The following MAN1A2 variants were observed in gnomAD, a reference collection of about 807,000 sequenced individuals.
MAN1A2 encodes the protein mannosyl-oligosaccharide 1,2-alpha-mannosidase IB.
Under a neutral mutation model 75.7 loss-of-function variants are expected in MAN1A2, and 26 were observed. The observed-to-expected ratio is 0.34, with a 90% CI of 0.25 to 0.48. The LOEUF (loss-of-function observed/expected upper bound fraction) is 0.48, where lower values mean the gene tolerates loss of function less well. Among genes scored for constraint, MAN1A2 ranks in the 20% least tolerant of loss-of-function variants. The pLI is 0.99. For missense variants in MAN1A2, 562 were observed against 775.5 expected, an observed-to-expected ratio of 0.72 and a Z score of 3.27; for synonymous variants, 247 against 264.6, an observed-to-expected ratio of 0.93 and a Z score of 0.65.
intron 11 of MAN1A2, among the ~76,000 whole-genome samples, chr1:117,500,142 GT>G (rs917273506): frequency 6.6e-6 from 1 of 151,820 alleles, no homozygotes; most frequent in African/African-American, 2.4e-5. Context: ...TAAAGCGAAC[GT>G]TTCACAGTGG....
At chr1:117,459,670 TA>T (rs1303694684) in intron 6 of MAN1A2, among the ~76,000 whole-genome samples, 2 of 151,990 alleles carry the variant, frequency 1.3e-5, no homozygotes, top group African/African-American at 4.8e-5. Context: ...CTAGACAGAT[TA>T]AAAAAATAAA....
chr1:117,434,111 T>C (rs1305955102), intron 5 of MAN1A2, among the ~76,000 whole-genome samples: 1 of 152,230 alleles, frequency 6.6e-6, no homozygotes, highest in Non-Finnish European at 1.5e-5. Context: ...GGGATCTATT[T>C]ACTATTTCCT....
intron 12 of MAN1A2, among the ~76,000 whole-genome samples, chr1:117,521,922 A>G (rs1170261256): frequency 6.6e-6 from 1 of 151,942 alleles, no homozygotes; most frequent in Non-Finnish European, 1.5e-5. Flanking sequence ...AGGTGAAGTA[A>G]ATCAGGAATG....
Position 117,460,405 on chromosome 1 carries a change from T to C in MAN1A2, c.951-84T>C, listed in dbSNP as rs181121490. 3,448 of 837,480 alleles carry C rather than the reference T, an allele frequency of 4.1e-3. 31 individuals are homozygous for C. The highest frequency in any genetic ancestry group is 3.5e-3 in the Non-Finnish European group (1,864 of 537,092). The allele number at this position is 837,480 out of a possible 1,614,324, so 51.9% of individuals were successfully genotyped here. A position where few individuals can be genotyped will look rare whatever the true frequency, so the allele number is the denominator to read the frequency against. On this transcript the variant is annotated intron_variant, in intron 6 of 12. Transcript: ENST00000356554. ...CAGATATAATAATTTATAAGAGATCTATTTAAAATTTACATATTCATTAAA... is the reference window on the plus strand; with the variant it reads ...CAGATATAATAATTTATAAGAGATCCATTTAAAATTTACATATTCATTAAA...
Position 117,525,342 on chromosome 1 carries a change from G to T in MAN1A2, c.*2385G>T. On this transcript the variant is annotated 3_prime_UTR_variant, in exon 13 of 13. Transcript: ENST00000356554. ...TGAATACCAAAGGCAATTAAAGTCAGCTACAAATGACTTGCCAGTGTCATG... is the reference window on the plus strand; with the variant it reads ...TGAATACCAAAGGCAATTAAAGTCATCTACAAATGACTTGCCAGTGTCATG... 4.5e-6 allele frequency: 1 copy of T among 222,106 alleles called. No individual in the cohort carries two copies. The highest frequency in any genetic ancestry group is 6.6e-5 in the South Asian group (1 of 15,132). 13.8% of individuals were successfully genotyped at this position (222,106 alleles called of 1,614,324 possible).
chr1:117,454,172 A>G (rs1236329219), intron 6 of MAN1A2, among the ~76,000 whole-genome samples: 1 of 152,164 alleles, frequency 6.6e-6, no homozygotes, highest in Non-Finnish European at 1.5e-5. Flanking sequence ...TTGTTGCAAT[A>G]TTTGCTTTAT....
At chr1:117,396,052 C>G (rs987217166) in intron 1 of MAN1A2, among the ~76,000 whole-genome samples, 1 of 152,166 alleles carries the variant, frequency 6.6e-6, no homozygotes, top group African/African-American at 2.4e-5. Context: ...GTAACCTCAT[C>G]CAAGCTTCAG....
chr1:117,417,714 T>A lies in MAN1A2; in HGVS notation c.775-2855T>A, dbSNP rs1412569355. 1.2e-3 allele frequency among the ~76,000 whole-genome samples: 165 copies of A among 143,048 alleles called. No homozygotes were observed. The South Asian group carries it at 0.022, about 19-fold the overall frequency. 93.8% of individuals were successfully genotyped at this position (143,048 alleles called of 152,430 possible). A position where few individuals can be genotyped will look rare whatever the true frequency, so the allele number is the denominator to read the frequency against. ...TGCACACACACACACACACTCTCTC[T>A]CTCTCTCTCTCTCTCTCTCATCAAA... On this transcript the variant is annotated intron_variant, in intron 4 of 12. Transcript: ENST00000356554.
At chr1:117,518,525 A>G (rs1350247178) in intron 12 of MAN1A2, among the ~76,000 whole-genome samples, 1 of 152,034 alleles carries the variant, frequency 6.6e-6, no homozygotes, top group African/African-American at 2.4e-5. Context: ...GTAAAGAAGA[A>G]AAAGTTTTTA....
Position 117,432,788 on chromosome 1 carries a change from G to C in MAN1A2, c.856-9443G>C, listed in dbSNP as rs12093431. On this transcript the variant is annotated intron_variant, in intron 5 of 12. Coordinates refer to ENST00000356554, the MANE Select transcript of MAN1A2 (RefSeq NM_006699.5). ...TAGCCTGAAAGGCAATATAGCAAGA[G>C]AAAACTACAGACCAGTATACTTTTT... Among the ~76,000 whole-genome samples, 1,199 of 151,688 alleles carry C rather than the reference G, an allele frequency of 7.9e-3. 12 individuals carry two copies. Among genetic ancestry groups the C allele is most frequent in the African/African-American group, 0.027 (1,127 of 41,448 alleles).
At chr1:117,502,704 G>A (rs1651238822) in intron 11 of MAN1A2, 151 bp from the exon 12 acceptor site, 1 of 572,736 alleles carries the variant, frequency 1.7e-6, no homozygotes, top group South Asian at 2.2e-5. Flanking sequence ...TCCAGTATGA[G>A]AATATTTCCT....
At chr1:117,459,314 AC>A (rs1471147176) in intron 6 of MAN1A2, among the ~76,000 whole-genome samples, 1 of 152,184 alleles carries the variant, frequency 6.6e-6, no homozygotes, top group African/African-American at 2.4e-5. Context: ...TTCCATAACC[AC>A]ATATATGGGG....
At chr1:117,516,283 C>G (rs903622902) in intron 12 of MAN1A2, among the ~76,000 whole-genome samples, 1 of 152,072 alleles carries the variant, frequency 6.6e-6, no homozygotes, top group African/African-American at 2.4e-5. Context: ...ATTGCTACTA[C>G]AAATGCAGTT....
intron 1 of MAN1A2, among the ~76,000 whole-genome samples, chr1:117,394,120 C>T (rs1363968727): frequency 2.0e-5 from 3 of 150,220 alleles, no homozygotes; most frequent in South Asian, 2.1e-4. Context: ...CTTGCCCTGT[C>T]GCCCAGGCTG....
At chr1:117,422,067 A>G (rs1459849111) in intron 5 of MAN1A2, among the ~76,000 whole-genome samples, 1 of 152,122 alleles carries the variant, frequency 6.6e-6, no homozygotes, top group Non-Finnish European at 1.5e-5. Context: ...AGGTTTATTG[A>G]GGTATTATTT....
chr1:117,458,495 A>ATG (rs1553236579), intron 6 of MAN1A2, among the ~76,000 whole-genome samples: 5 of 54,926 alleles, frequency 9.1e-5, no homozygotes, highest in African/African-American at 3.6e-4. Context: ...ATATATATAT[A>ATG]TCTATATATA....
At chr1:117,420,496 T>C in intron 4 of MAN1A2, 73 bp from the exon 5 acceptor site, 1 of 1,063,550 alleles carries the variant, frequency 9.4e-7, no homozygotes, top group South Asian at 1.4e-5. Flanking sequence ...GAAAAACAAA[T>C]GAAGTATTGA....
intron 8 of MAN1A2, among the ~76,000 whole-genome samples, chr1:117,484,514 G>T (rs1181749199): frequency 6.6e-6 from 1 of 151,964 alleles, no homozygotes; most frequent in Non-Finnish European, 1.5e-5. Flanking sequence ...CAAGAACCAT[G>T]AGAAATCGCT....
chr1:117,495,619 G>A (rs1651015362), intron 9 of MAN1A2, among the ~76,000 whole-genome samples: 1 of 151,734 alleles, frequency 6.6e-6, no homozygotes, highest in Admixed American at 6.6e-5. Context: ...GTAAGTCCAG[G>A]TGGATATGCT....
Sources: allele counts gnomAD v4.1 joint callset (sites outside exome capture counted in the v4.1 genomes callset), GRCh38; gene constraint gnomAD v4.1.1; transcripts MANE v1.5; gene names NCBI Gene and HGNC (gene_info 2026-07-23, HGNC 2026-07-21).